NUBPL: variants seen among roughly 807,000 people sequenced by gnomAD.
NUBPL encodes iron-sulfur cluster transfer protein NUBPL.
Under a neutral mutation model 45.7 loss-of-function variants are expected in NUBPL, and 31 were observed. That is an observed-to-expected ratio of 0.68 (90% CI 0.51 to 0.92). The LOEUF is 0.92. NUBPL is among the 40% of genes least tolerant of loss of function. The pLI is 0.00. For synonymous variants in NUBPL, 144 were observed against 140.9 expected (o/e 1.02, Z -0.15); for missense variants, 401 against 398.7 (o/e 1.01, Z -0.05).
At chr14:31,664,698 C>CT (rs1447475542) in intron 4 of NUBPL, among the ~76,000 whole-genome samples, 3 of 152,088 alleles carry the variant, frequency 2.0e-5, no homozygotes, top group Non-Finnish European at 4.4e-5. Flanking sequence ...AAAATTTCCT[C>CT]TTTTTTTGTT....
At chr14:31,620,379 A>G (rs2035026768) in intron 4 of NUBPL, among the ~76,000 whole-genome samples, 2 of 151,994 alleles carry the variant, frequency 1.3e-5, no homozygotes. Flanking sequence ...TGGAATTTTC[A>G]GCCTTTTTGT....
chr14:31,787,513 A>G (rs1331898052), intron 6 of NUBPL, among the ~76,000 whole-genome samples: 3 of 152,174 alleles, frequency 2.0e-5, no homozygotes, highest in African/African-American at 4.8e-5. Flanking sequence ...ATAGAAGCCT[A>G]CTGAGAAGTG....
chr14:31,569,287 C>T (rs1326479816), intron 3 of NUBPL, among the ~76,000 whole-genome samples: 3 of 152,112 alleles, frequency 2.0e-5, no homozygotes, highest in African/African-American at 7.2e-5. Context: ...ACCTCCGCCT[C>T]CCGGGTTCAA....
chr14:31,654,176 G>A (rs2036083604), intron 4 of NUBPL: 1 of 450,344 alleles, frequency 2.2e-6, no homozygotes, highest in African/African-American at 2.0e-5. Flanking sequence ...GCATATAAAA[G>A]TTATGTTTAC....
At chr14:31,575,116 C>G (rs1404301536) in intron 3 of NUBPL, among the ~76,000 whole-genome samples, 1 of 152,030 alleles carries the variant, frequency 6.6e-6, no homozygotes, top group Non-Finnish European at 1.5e-5. Context: ...AGATGTACTG[C>G]TTTTTTTCCC....
chr14:31,645,325 T>C (rs1489612380), intron 4 of NUBPL, among the ~76,000 whole-genome samples: 2 of 152,128 alleles, frequency 1.3e-5, no homozygotes, highest in Admixed American at 1.3e-4. Flanking sequence ...CTCAGCCTCC[T>C]AAAGTGTTGG....
chr14:31,619,607 T>G (rs1031732701), intron 4 of NUBPL, among the ~76,000 whole-genome samples: 1 of 152,212 alleles, frequency 6.6e-6, no homozygotes. Context: ...TGTTGAACAT[T>G]GGCCTCCACT....
At chr14:31,856,563 G>A (rs1001303446) in intron 10 of NUBPL, among the ~76,000 whole-genome samples, 6 of 152,098 alleles carry the variant, frequency 3.9e-5, no homozygotes, top group East Asian at 3.8e-4. Flanking sequence ...AGTCCCTTCC[G>A]CCTATGAGCC....
chr14:31,679,838 T>C (rs1165980607), intron 6 of NUBPL, among the ~76,000 whole-genome samples: 3 of 152,192 alleles, frequency 2.0e-5, no homozygotes, highest in Non-Finnish European at 2.9e-5. Flanking sequence ...TTTGGATGAA[T>C]TGAGATTCTG....
intron 6 of NUBPL, among the ~76,000 whole-genome samples, chr14:31,712,823 C>G (rs1471668182): frequency 6.6e-6 from 1 of 152,222 alleles, no homozygotes; most frequent in African/African-American, 2.4e-5. Flanking sequence ...AATGGGAGAT[C>G]AGTCTCAAAT....
chr14:31,640,215 T>A (rs2035645726), intron 4 of NUBPL, among the ~76,000 whole-genome samples: 1 of 152,196 alleles, frequency 6.6e-6, no homozygotes, highest in Non-Finnish European at 1.5e-5. Context: ...CTGTTCCTAT[T>A]CGGCCATCTT....
chr14:31,605,225 T>G (rs1264698225), intron 4 of NUBPL, among the ~76,000 whole-genome samples: 1 of 152,210 alleles, frequency 6.6e-6, no homozygotes, highest in Non-Finnish European at 1.5e-5. Context: ...CAAATGAATA[T>G]TAAATGGCTG....
chr14:31,785,965 C>T (rs2039276556), intron 6 of NUBPL, among the ~76,000 whole-genome samples: 1 of 152,066 alleles, frequency 6.6e-6, no homozygotes, highest in African/African-American at 2.4e-5. Context: ...TTAAGACCAG[C>T]TTGGCAACAT....
At chr14:31,638,817 C>T (rs563380774) in intron 4 of NUBPL, among the ~76,000 whole-genome samples, 34 of 152,294 alleles carry the variant, frequency 2.2e-4, no homozygotes, top group South Asian at 4.2e-4. Context: ...CTTCCCTTCT[C>T]GCTTCATTTC....
intron 6 of NUBPL, among the ~76,000 whole-genome samples, chr14:31,761,869 G>T (rs752647013): frequency 6.6e-6 from 1 of 152,118 alleles, no homozygotes; most frequent in Non-Finnish European, 1.5e-5. Context: ...GTTCATCAAA[G>T]AATCTAACAA....
chr14:31,698,251 G>A (rs77763088), intron 6 of NUBPL, among the ~76,000 whole-genome samples: 1 of 151,964 alleles, frequency 6.6e-6, no homozygotes, highest in Non-Finnish European at 1.5e-5. Context: ...TAGATATGAC[G>A]AGATATAGTC....
At chr14:31,594,917 T>C (rs2034243381) in intron 3 of NUBPL, among the ~76,000 whole-genome samples, 4 of 152,230 alleles carry the variant, frequency 2.6e-5, no homozygotes, top group Admixed American at 2.6e-4. Flanking sequence ...TCTGTAGAAG[T>C]ACAACTTTTA....
intron 8 of NUBPL, 28 bp downstream of exon 8, chr14:31,826,742 A>G (rs756320725): frequency 6.3e-7 from 1 of 1,581,868 alleles, no homozygotes; most frequent in Non-Finnish European, 8.7e-7. Flanking sequence ...CACTGTGAAA[A>G]ATATAAAACT....
At chr14:31,651,596 T>C (rs1425057065) in intron 4 of NUBPL, among the ~76,000 whole-genome samples, 1 of 152,048 alleles carries the variant, frequency 6.6e-6, no homozygotes, top group African/African-American at 2.4e-5. Flanking sequence ...AGAAAACAAA[T>C]AACTGTATTG....
Sources: gnomAD v4.1 joint callset for allele counts (sites outside exome capture counted in the v4.1 genomes callset) on GRCh38, gnomAD v4.1.1 for gene constraint, MANE v1.5 for transcripts, NCBI Gene and HGNC (gene_info 2026-07-23, HGNC 2026-07-21) for gene names.